COL24A1: variants seen among roughly 807,000 people sequenced by gnomAD.
COL24A1 encodes the protein collagen type XXIV alpha 1 chain.
A neutral mutation model predicts 253.9 loss-of-function variants in COL24A1; 224 were observed. That is an observed-to-expected ratio of 0.88 (90% CI 0.79 to 0.99). COL24A1 has a LOEUF of 0.99. Ranked by LOEUF, COL24A1 falls within the 50% of genes least tolerant of loss-of-function variation. The pLI is 0.00. For missense variants in COL24A1, 2,131 were observed against 2,068.5 expected (o/e 1.03, Z -0.59); for synonymous variants, 685 against 673.7 (o/e 1.02, Z -0.26).
chr1:86,115,817 T>C (rs1488198686), intron 3 of COL24A1, among the ~76,000 whole-genome samples: 10 of 152,200 alleles, frequency 6.6e-5, no homozygotes, highest in Admixed American at 6.5e-4. Flanking sequence ...TTAAAAGAAT[T>C]ATACCAAGGA....
intron 47 of COL24A1, among the ~76,000 whole-genome samples, chr1:85,798,200 T>TA (rs5775871): frequency 0.037 from 5,135 of 138,890 alleles, 244 homozygotes; most frequent in African/African-American, 0.11. Context: ...CTGTCTCTAT[T>TA]AAAAAAAAAA....
intron 2 of COL24A1, among the ~76,000 whole-genome samples, chr1:86,141,450 A>C (rs1254147821): frequency 6.6e-6 from 1 of 152,208 alleles, no homozygotes; most frequent in Non-Finnish European, 1.5e-5. Flanking sequence ...TAAAATTGAC[A>C]TACAAAATTG....
At chr1:86,078,421 T>A (rs956688030) in intron 7 of COL24A1, among the ~76,000 whole-genome samples, 1 of 152,156 alleles carries the variant, frequency 6.6e-6, no homozygotes, top group African/African-American at 2.4e-5. Context: ...CTTTCTCCAC[T>A]GTTATTCAAC....
chr1:86,081,280 T>C (rs552163489), intron 7 of COL24A1, among the ~76,000 whole-genome samples: 1 of 149,260 alleles, frequency 6.7e-6, no homozygotes, highest in South Asian at 2.1e-4. Context: ...TTCAATGTCA[T>C]GAAATATTTC....
At position 85,960,607 on chromosome 1, in the gene COL24A1, G is replaced by A. The variant is rs1222941301; in HGVS notation, c.2562+642C>T. Among the ~76,000 whole-genome samples the A allele has an allele frequency of 3.3e-5, 5 of 152,084 alleles. No individual in the cohort carries two copies. The East Asian group carries it at 9.6e-4, about 29-fold the overall frequency. On this transcript the variant is annotated intron_variant, in intron 24 of 59. Coordinates refer to ENST00000370571, the MANE Select transcript of COL24A1 (RefSeq NM_152890.7). ...CTTTTTAATAATGAAAAATGGCTGA[G>A]TGCAGTGGCTCACACCTGTAATCCC...
intron 51 of COL24A1, 118 bp downstream of exon 51, chr1:85,783,378 T>C (rs1669333654): frequency 1.2e-6 from 1 of 821,944 alleles, no homozygotes. Context: ...TATGAGTTTC[T>C]ACCTTAAAAG....
chr1:85,980,374 A>G (rs1015458700), intron 20 of COL24A1, among the ~76,000 whole-genome samples: 4 of 152,186 alleles, frequency 2.6e-5, no homozygotes, highest in Non-Finnish European at 4.4e-5. Context: ...GAATCGGTAA[A>G]GAGGAAGTCA....
intron 19 of COL24A1, among the ~76,000 whole-genome samples, chr1:86,010,297 A>T (rs1338288394): frequency 1.3e-5 from 2 of 152,190 alleles, no homozygotes; most frequent in Non-Finnish European, 2.9e-5. Flanking sequence ...TTGGGAAAAA[A>T]TACTTGTAAT....
At chr1:86,011,825 T>C (rs558100382) in intron 19 of COL24A1, among the ~76,000 whole-genome samples, 1 of 152,222 alleles carries the variant, frequency 6.6e-6, no homozygotes, top group South Asian at 2.1e-4. Context: ...TATACCTTAC[T>C]GGGTTGAAAG....
intron 24 of COL24A1, among the ~76,000 whole-genome samples, chr1:85,914,098 T>G (rs949970265): frequency 6.6e-6 from 1 of 152,112 alleles, no homozygotes; most frequent in East Asian, 1.9e-4. Context: ...AATTTCAACA[T>G]ATGAATTTTG....
At chr1:85,891,915 A>C (rs2102761267) in intron 31 of COL24A1, among the ~76,000 whole-genome samples, 1 of 152,302 alleles carries the variant, frequency 6.6e-6, no homozygotes, top group South Asian at 2.1e-4. Context: ...TAAAATAAAA[A>C]TTATCTTTAA....
chr1:86,151,276 C>T lies in COL24A1; in HGVS notation c.56+5065G>A, dbSNP rs1489108234. 6.6e-5 allele frequency among the ~76,000 whole-genome samples: 10 copies of T among 152,056 alleles called. No homozygotes were observed. In the East Asian group the frequency reaches 7.7e-4, roughly 12 times the overall value. On this transcript the variant is annotated intron_variant, in intron 1 of 59. Transcript: ENST00000370571. ...CAAACAGTCTAGTTGGTATATTAAA[C>T]ATGAACAATTTTTGAATATTCAAAA...
chr1:86,118,280 G>T (rs905424591), intron 3 of COL24A1, among the ~76,000 whole-genome samples: 4 of 152,076 alleles, frequency 2.6e-5, no homozygotes, highest in Non-Finnish European at 5.9e-5. Flanking sequence ...GGTCAGGCTG[G>T]TCTCAAACTC....
intron 24 of COL24A1, among the ~76,000 whole-genome samples, chr1:85,923,116 C>G (rs146846393): frequency 1.3e-5 from 2 of 152,144 alleles, no homozygotes; most frequent in Non-Finnish European, 2.9e-5. Flanking sequence ...ACAAGAAGAG[C>G]TAACTATCCT....
chr1:85,888,471 G>T (rs1682765427), intron 32 of COL24A1, among the ~76,000 whole-genome samples: 1 of 151,942 alleles, frequency 6.6e-6, no homozygotes, highest in Non-Finnish European at 1.5e-5. Flanking sequence ...CCAGGAAAGG[G>T]GATTACAAAG....
intron 18 of COL24A1, among the ~76,000 whole-genome samples, chr1:86,021,587 A>C (rs187488036): frequency 1.3e-5 from 2 of 152,292 alleles, no homozygotes; most frequent in Admixed American, 6.5e-5. Context: ...ATTTAGATGT[A>C]TAGTCCTTAG....
At chr1:86,036,115 A>G (rs967963854) in intron 12 of COL24A1, among the ~76,000 whole-genome samples, 1 of 151,976 alleles carries the variant, frequency 6.6e-6, no homozygotes, top group Non-Finnish European at 1.5e-5. Flanking sequence ...AATTTAATTG[A>G]ATATCTACTT....
intron 6 of COL24A1, among the ~76,000 whole-genome samples, chr1:86,091,770 T>C (rs1703504487): frequency 6.6e-6 from 1 of 152,140 alleles, no homozygotes; most frequent in African/African-American, 2.4e-5. Context: ...TCATTTACTG[T>C]CCATGTGATA....
intron 20 of COL24A1, among the ~76,000 whole-genome samples, chr1:85,974,606 A>G (rs1036141060): frequency 6.6e-6 from 1 of 152,154 alleles, no homozygotes; most frequent in Admixed American, 6.5e-5. Context: ...ATTTACCTCT[A>G]AATGCAGAGA....
Sources: gnomAD v4.1 joint callset for allele counts (sites outside exome capture counted in the v4.1 genomes callset) on GRCh38, gnomAD v4.1.1 for gene constraint, MANE v1.5 for transcripts, NCBI Gene and HGNC (gene_info 2026-07-23, HGNC 2026-07-21) for gene names.